Variants in DAB1 observed in about 807,000 individuals in gnomAD.
DAB1 encodes disabled homolog 1.
In DAB1, 15 loss-of-function variants were observed where a neutral mutation model predicts 64.6. The ratio of observed to expected loss-of-function variants is 0.23; its 90% CI spans 0.16 to 0.36. The LOEUF is 0.36. Among genes scored for constraint, DAB1 ranks in the 10% least tolerant of loss-of-function variants. The pLI is 1.00. For missense variants in DAB1, 596 were observed against 706.7 expected (o/e 0.84, Z 1.78); for synonymous variants, 235 against 251.9 (o/e 0.93, Z 0.64).
At chr1:58,526,272 G>T (rs371920703) in intron 2 of DAB1, among the ~76,000 whole-genome samples, 1 of 152,118 alleles carries the variant, frequency 6.6e-6, no homozygotes, top group East Asian at 1.9e-4. Context: ...AACATTCAAA[G>T]AACTGATTTT....
At chr1:57,138,430 G>T (rs564904827) in intron 3 of DAB1, among the ~76,000 whole-genome samples, 3 of 152,186 alleles carry the variant, frequency 2.0e-5, no homozygotes, top group Non-Finnish European at 2.9e-5. Flanking sequence ...CTTCTAGGGA[G>T]CCTAAGTCTC....
intron 3 of DAB1, among the ~76,000 whole-genome samples, chr1:58,430,891 G>A (rs575794341): frequency 6.6e-6 from 1 of 152,322 alleles, no homozygotes; most frequent in Non-Finnish European, 1.5e-5. Flanking sequence ...CATCTGGAGA[G>A]AAGAACTAGT....
intron 2 of DAB1, among the ~76,000 whole-genome samples, chr1:57,176,328 G>A (rs576345463): frequency 6.6e-6 from 1 of 152,250 alleles, no homozygotes; most frequent in South Asian, 2.1e-4. Context: ...ATGATGGAAG[G>A]TGGAAGGCAC....
upstream of DAB1, among the ~76,000 whole-genome samples, chr1:57,887,430 C>T (rs1240069807): frequency 6.6e-6 from 1 of 152,200 alleles, no homozygotes; most frequent in African/African-American, 2.4e-5. Flanking sequence ...GTCACCAATT[C>T]TTAACTCACT....
chr1:58,393,330 G>A (rs902240133), intron 3 of DAB1, among the ~76,000 whole-genome samples: 2 of 152,062 alleles, frequency 1.3e-5, no homozygotes, highest in Non-Finnish European at 2.9e-5. Flanking sequence ...ATTATTGATT[G>A]AGCAGAGATG....
intron 7 of DAB1, among the ~76,000 whole-genome samples, chr1:57,640,085 A>C (rs1646109993): frequency 6.6e-6 from 1 of 152,160 alleles, no homozygotes; most frequent in Non-Finnish European, 1.5e-5. Context: ...CTGTGGGCAG[A>C]AGATGATGAG....
intron 7 of DAB1, among the ~76,000 whole-genome samples, chr1:57,436,693 C>T (rs1022586946): frequency 1.3e-5 from 2 of 152,144 alleles, no homozygotes; most frequent in Non-Finnish European, 2.9e-5. Flanking sequence ...AAAATGGAGA[C>T]ATTGTCCATT....
chr1:58,426,794 A>G (rs1644825293), intron 3 of DAB1, among the ~76,000 whole-genome samples: 1 of 152,234 alleles, frequency 6.6e-6, no homozygotes, highest in Non-Finnish European at 1.5e-5. Context: ...AATTCAAAAT[A>G]AAATTAAAAA....
intron 1 of DAB1, among the ~76,000 whole-genome samples, chr1:57,837,216 A>C (rs577514854): frequency 6.6e-6 from 1 of 152,318 alleles, no homozygotes; most frequent in African/African-American, 2.4e-5. Context: ...TTAAAAAACA[A>C]ATCTGATTGT....
chr1:57,167,279 A>G (rs1348917042), intron 2 of DAB1, among the ~76,000 whole-genome samples: 1 of 152,214 alleles, frequency 6.6e-6, no homozygotes, highest in Non-Finnish European at 1.5e-5. Flanking sequence ...ATATGCTCTC[A>G]GGAAGGTAAA....
At chr1:57,527,297 T>C (rs1171216703) in intron 7 of DAB1, among the ~76,000 whole-genome samples, 1 of 152,192 alleles carries the variant, frequency 6.6e-6, no homozygotes, top group Non-Finnish European at 1.5e-5. Context: ...GGAATAATGG[T>C]ATCACACTAA....
intron 3 of DAB1, among the ~76,000 whole-genome samples, chr1:58,459,304 T>C (rs1442846710): frequency 6.6e-6 from 1 of 152,252 alleles, no homozygotes; most frequent in East Asian, 1.9e-4. Flanking sequence ...ACAGCTTAGC[T>C]GGGTAGCCCT....
intron 7 of DAB1, among the ~76,000 whole-genome samples, chr1:57,429,148 C>T (rs2101111280): frequency 6.6e-6 from 1 of 152,262 alleles, no homozygotes; most frequent in Non-Finnish European, 1.5e-5. Flanking sequence ...CTTTTGGCTT[C>T]ATGCGATCCT....
intron 5 of DAB1, among the ~76,000 whole-genome samples, chr1:58,032,778 A>G (rs1190781584): frequency 1.3e-5 from 2 of 152,186 alleles, no homozygotes; most frequent in African/African-American, 4.8e-5. Flanking sequence ...CACTACCTTC[A>G]GGGTGAAATC....
At chr1:58,375,055 G>A (rs1463568878) in intron 3 of DAB1, among the ~76,000 whole-genome samples, 1 of 141,360 alleles carries the variant, frequency 7.1e-6, no homozygotes, top group Non-Finnish European at 1.5e-5. Context: ...TGCTGAAGTT[G>A]CTTATCAGCT....
intron 1 of DAB1, among the ~76,000 whole-genome samples, chr1:57,377,302 C>T (rs992853390): frequency 6.6e-6 from 1 of 150,830 alleles, no homozygotes; most frequent in South Asian, 2.1e-4. Context: ...AAAAGGCAGG[C>T]CACTGATAAG....
intron 7 of DAB1, among the ~76,000 whole-genome samples, chr1:57,633,519 G>A (rs1646016361): frequency 6.6e-6 from 1 of 152,214 alleles, no homozygotes; most frequent in Non-Finnish European, 1.5e-5. Context: ...TCCTGGAAAG[G>A]TGTTTGAATA....
chr1:57,859,613 T>A (rs1354510184), intron 1 of DAB1, among the ~76,000 whole-genome samples: 2 of 152,214 alleles, frequency 1.3e-5, no homozygotes, highest in African/African-American at 4.8e-5. Context: ...TGCTGTCTAA[T>A]TCTCATTCAT....
chr1:58,161,672 T>TATGTAATAAATAA (rs1655544891), intron 4 of DAB1, among the ~76,000 whole-genome samples: 1 of 152,144 alleles, frequency 6.6e-6, no homozygotes, highest in African/African-American at 2.4e-5. Flanking sequence ...TCAGTAATCA[T>TATGTAATAAATAA]ACAAGTAAAT....
Sources: allele counts gnomAD v4.1 joint callset (sites outside exome capture counted in the v4.1 genomes callset), GRCh38; gene constraint gnomAD v4.1.1; transcripts MANE v1.5; gene names NCBI Gene and HGNC (gene_info 2026-07-23, HGNC 2026-07-21).